Variants in PDE8B observed in about 807,000 individuals in gnomAD.
PDE8B encodes high affinity cAMP-specific and IBMX-insensitive 3',5'-cyclic phosphodiesterase 8B.
A neutral mutation model predicts 101.3 loss-of-function variants in PDE8B; 26 were observed. The observed-to-expected ratio is 0.26, with a 90% CI of 0.19 to 0.36. The LOEUF (loss-of-function observed/expected upper bound fraction) is 0.36. Ranked by LOEUF, PDE8B falls within the 10% of genes least tolerant of loss-of-function variation. The pLI, the probability that PDE8B is intolerant of heterozygous loss-of-function variation, is 1.00. For missense variants in PDE8B, 810 were observed against 1,163.1 expected, an observed-to-expected ratio of 0.70 and a Z score of 4.42; for synonymous variants, 424 against 429.3, an observed-to-expected ratio of 0.99 and a Z score of 0.15.
At chr5:77,135,726 C>T in the PDE8B span, among the ~76,000 whole-genome samples, 4 of 151,836 alleles carry the variant, frequency 2.6e-5, no homozygotes, top group Non-Finnish European at 4.4e-5. Context: ...CCACCCGCCT[C>T]GGCCTCCCAA....
At chr5:77,241,371 T>C (rs1755737586) in intron 1 of PDE8B, among the ~76,000 whole-genome samples, 1 of 152,226 alleles carries the variant, frequency 6.6e-6, no homozygotes, top group Non-Finnish European at 1.5e-5. Flanking sequence ...AGAAGAATGA[T>C]AAGACGTCAC....
intron 1 of PDE8B, among the ~76,000 whole-genome samples, chr5:77,280,946 C>G (rs1385859817): frequency 6.6e-6 from 1 of 152,134 alleles, no homozygotes; most frequent in Non-Finnish European, 1.5e-5. Flanking sequence ...CAGACCACCA[C>G]CAGTGCACAG....
the PDE8B span, among the ~76,000 whole-genome samples, chr5:77,190,190 G>A: frequency 6.6e-6 from 1 of 152,186 alleles, no homozygotes; most frequent in African/African-American, 2.4e-5. Flanking sequence ...GTCTGGCTTT[G>A]TTCTTGAGTG....
chr5:77,271,831 C>T (rs77552550), intron 1 of PDE8B, among the ~76,000 whole-genome samples: 12,632 of 152,082 alleles, frequency 0.083, 671 homozygotes, highest in African/African-American at 0.15. Context: ...TCACATTCTA[C>T]GGATGAGAAA....
At chr5:77,253,698 C>T (rs1474923821) in intron 1 of PDE8B, among the ~76,000 whole-genome samples, 1 of 152,086 alleles carries the variant, frequency 6.6e-6, no homozygotes, top group Non-Finnish European at 1.5e-5. Context: ...GCTTGGGATA[C>T]CTGAAATTTG....
chr5:77,294,577 TA>T (rs879632566), intron 1 of PDE8B, among the ~76,000 whole-genome samples: 4 of 149,448 alleles, frequency 2.7e-5, no homozygotes, highest in African/African-American at 9.9e-5. Flanking sequence ...GAATGCAAAT[TA>T]AAAAAAACAC....
the PDE8B span, among the ~76,000 whole-genome samples, chr5:77,094,536 G>T: frequency 6.6e-6 from 1 of 152,182 alleles, no homozygotes; most frequent in East Asian, 1.9e-4. Flanking sequence ...GAACTCCTGG[G>T]CTCAAGTGAT....
chr5:77,327,045 T>C (rs974831788), intron 3 of PDE8B, among the ~76,000 whole-genome samples: 2 of 152,228 alleles, frequency 1.3e-5, no homozygotes, highest in Non-Finnish European at 2.9e-5. Flanking sequence ...TCTATGCAGT[T>C]TAGAAGTCAG....
intron 1 of PDE8B, chr5:77,291,205 G>A: frequency 1.2e-6 from 2 of 1,610,974 alleles, no homozygotes; most frequent in South Asian, 1.1e-5. Flanking sequence ...GTACATGAAA[G>A]CATCCATCAT....
At chr5:77,339,143 G>T (rs911198181) in intron 6 of PDE8B, among the ~76,000 whole-genome samples, 1 of 152,156 alleles carries the variant, frequency 6.6e-6, no homozygotes, top group Non-Finnish European at 1.5e-5. Flanking sequence ...GACTTTTTAA[G>T]GTCTTATCAG....
the PDE8B span, among the ~76,000 whole-genome samples, chr5:77,121,877 T>C: frequency 2.0e-5 from 3 of 152,216 alleles, no homozygotes; most frequent in Admixed American, 6.5e-5. Flanking sequence ...CAGATTTCCA[T>C]TACGTTTCAC....
At chr5:77,132,932 C>T in the PDE8B span, among the ~76,000 whole-genome samples, 1 of 152,214 alleles carries the variant, frequency 6.6e-6, no homozygotes, top group African/African-American at 2.4e-5. Flanking sequence ...AACAATTTCA[C>T]TCAGAATTTG....
chr5:77,213,640 A>C (rs1220399140), intron 1 of PDE8B, among the ~76,000 whole-genome samples: 2 of 152,242 alleles, frequency 1.3e-5, no homozygotes, highest in Non-Finnish European at 2.9e-5. Flanking sequence ...TTTCCAAAGC[A>C]CACAGGTGGA....
At chr5:77,326,659 T>C (rs142052984) in intron 3 of PDE8B, among the ~76,000 whole-genome samples, 2,214 of 152,254 alleles carry the variant, frequency 0.015, 55 homozygotes, top group African/African-American at 0.05. Flanking sequence ...ATTTTTCTAT[T>C]TAATAGTGTA....
the PDE8B span, among the ~76,000 whole-genome samples, chr5:77,100,915 T>C: frequency 1.0e-4 from 15 of 150,748 alleles, no homozygotes; most frequent in Admixed American, 9.9e-4. Context: ...GAGACAATTA[T>C]AAAAAACAGT....
At chr5:77,219,236 A>G (rs1432462641) in intron 1 of PDE8B, among the ~76,000 whole-genome samples, 3 of 152,160 alleles carry the variant, frequency 2.0e-5, no homozygotes, top group African/African-American at 7.2e-5. Flanking sequence ...GTTGGTTTTC[A>G]TATTGCTGCG....
At chr5:77,256,524 T>A (rs1395070422) in intron 1 of PDE8B, among the ~76,000 whole-genome samples, 5 of 152,236 alleles carry the variant, frequency 3.3e-5, no homozygotes, top group Non-Finnish European at 2.9e-5. Flanking sequence ...ATTTAGGTTG[T>A]TTCCAGTTTT....
intron 1 of PDE8B, among the ~76,000 whole-genome samples, chr5:77,227,335 C>T (rs1752606616): frequency 6.6e-6 from 1 of 152,148 alleles, no homozygotes; most frequent in Non-Finnish European, 1.5e-5. Flanking sequence ...ACTTTATCAA[C>T]TAGCAATGCT....
At chr5:77,179,286 C>T in the PDE8B span, among the ~76,000 whole-genome samples, 1 of 152,070 alleles carries the variant, frequency 6.6e-6, no homozygotes, top group Admixed American at 6.5e-5. Flanking sequence ...TTCTTTTCTG[C>T]CATTAGAAAT....
Sources: gnomAD v4.1 joint callset for allele counts (sites outside exome capture counted in the v4.1 genomes callset) on GRCh38, gnomAD v4.1.1 for gene constraint, MANE v1.5 for transcripts, NCBI Gene and HGNC (gene_info 2026-07-23, HGNC 2026-07-21) for gene names.